The following EHMT1 variants were observed in gnomAD, a reference collection of about 807,000 sequenced individuals.
EHMT1 encodes histone-lysine N-methyltransferase EHMT1.
EHMT1 carries 15 observed loss-of-function variants against 147.2 expected under a neutral mutation model. That is an observed-to-expected ratio of 0.10 (90% CI 0.07 to 0.16). The LOEUF (loss-of-function observed/expected upper bound fraction) is 0.16. Among genes scored for constraint, EHMT1 ranks in the 10% least tolerant of loss-of-function variants. The probability of loss-of-function intolerance (pLI) is 1.00; values close to 1 mark genes in which losing one functional copy is unlikely to be tolerated. For missense variants in EHMT1, 1,587 were observed against 1,772.4 expected (o/e 0.90, Z 1.88); for synonymous variants, 795 against 709.6 (o/e 1.12, Z -1.91).
At chr9:137,809,955 C>CCCT (rs1954291447) in intron 18 of EHMT1, among the ~76,000 whole-genome samples, 1 of 123,640 alleles carries the variant, frequency 8.1e-6, no homozygotes, top group African/African-American at 5.1e-5. Flanking sequence ...CCGATGCCGC[C>CCCT]CTGTGTGGAC....
chr9:137,812,441 G>A lies in EHMT1; in HGVS notation c.2868-565G>A, dbSNP rs548872923. Among the ~76,000 whole-genome samples, 31 of 152,378 alleles carry A rather than the reference G, an allele frequency of 2.0e-4. 1 individual carries two copies. The East Asian group carries it at 5.2e-3, about 26-fold the overall frequency. ...CCTGGGATGGAGTGTGTGTTTGGCT[G>A]CTGGGGAAGGACAGGGAACTGTGGG... On this transcript the variant is annotated intron_variant, in intron 19 of 26. Transcript: ENST00000460843.
At chr9:137,648,553 G>A (rs1425028173) in intron 1 of EHMT1, among the ~76,000 whole-genome samples, 1 of 151,752 alleles carries the variant, frequency 6.6e-6, no homozygotes, top group African/African-American at 2.4e-5. Flanking sequence ...AGCTACTTGG[G>A]AGGCTGAGGC....
At chr9:137,633,373 G>C (rs140432680) in intron 1 of EHMT1, among the ~76,000 whole-genome samples, 1 of 151,446 alleles carries the variant, frequency 6.6e-6, no homozygotes, top group African/African-American at 2.4e-5. Flanking sequence ...ATTTTTGGGG[G>C]GATAACATTT....
chr9:137,738,037 T>TA (rs1343158095), intron 4 of EHMT1, among the ~76,000 whole-genome samples: 1 of 151,942 alleles, frequency 6.6e-6, no homozygotes, highest in Admixed American at 6.6e-5. Flanking sequence ...CTACTACAAA[T>TA]ACAAAAGTTA....
intron 18 of EHMT1, among the ~76,000 whole-genome samples, chr9:137,802,177 G>C (rs978914761): frequency 6.6e-6 from 1 of 152,244 alleles, no homozygotes; most frequent in Non-Finnish European, 1.5e-5. Flanking sequence ...CTGCCAGGGG[G>C]CTGGGTGTGG....
intron 23 of EHMT1, chr9:137,817,036 A>G: frequency 3.7e-6 from 1 of 267,626 alleles, no homozygotes; most frequent in Non-Finnish European, 7.4e-6. Flanking sequence ...CCCAGCCCTG[A>G]GGGGCCTGTG....
chr9:137,724,062 C>T (rs1341883393), intron 3 of EHMT1, among the ~76,000 whole-genome samples: 1 of 152,232 alleles, frequency 6.6e-6, no homozygotes, highest in East Asian at 1.9e-4. Context: ...GTAAATTGTG[C>T]CCACTCCAGG....
chr9:137,784,242 C>T (rs890825087), intron 15 of EHMT1: 160 of 1,534,578 alleles, frequency 1.0e-4, no homozygotes, highest in Middle Eastern at 3.4e-4. Flanking sequence ...TGGACCAGGC[C>T]GCCCACAGGG....
intron 1 of EHMT1, among the ~76,000 whole-genome samples, chr9:137,623,119 A>C (rs1347737411): frequency 2.0e-5 from 3 of 150,512 alleles, no homozygotes; most frequent in African/African-American, 7.3e-5. Flanking sequence ...AGGCTGAGGC[A>C]GGAGAAGGGC....
rs1003568952 is a variant in EHMT1 at position 137,731,291 on chromosome 9, G to T, written c.823+2762G>T. Among the ~76,000 whole-genome samples the T allele has an allele frequency of 2.0e-5, 3 of 152,216 alleles. No homozygotes were observed. Among genetic ancestry groups the T allele is most frequent in the Non-Finnish European group, 4.4e-5 (3 of 68,038 alleles). On this transcript the variant is annotated intron_variant, in intron 4 of 26. Coordinates refer to ENST00000460843, the MANE Select transcript of EHMT1 (RefSeq NM_024757.5). The surrounding 1 kb of genome is among the most constrained non-coding windows in gnomAD (Gnocchi z 4.3). ...CTGCCTGCTGTGGTCCAGTGGTTAA[G>T]ATACTCCCTCAGCCTCAGCTGCTCC...
intron 1 of EHMT1, among the ~76,000 whole-genome samples, chr9:137,644,441 CA>C (rs1844737961): frequency 6.6e-6 from 1 of 151,936 alleles, no homozygotes; most frequent in African/African-American, 2.4e-5. Flanking sequence ...TCTCCTTCCT[CA>C]GCCTCCCGAG....
chr9:137,673,117 A>G (rs1003780432), intron 1 of EHMT1, among the ~76,000 whole-genome samples: 2 of 152,180 alleles, frequency 1.3e-5, no homozygotes, highest in African/African-American at 2.4e-5. Context: ...AGTGCTTAGC[A>G]AAGAACCTTA....
At chr9:137,715,539 G>A in intron 2 of EHMT1, 1 of 985,392 alleles carries the variant, frequency 1.0e-6, no homozygotes, top group Non-Finnish European at 1.2e-6. Flanking sequence ...GAGCCAGGAA[G>A]GAGGGCACTG....
intron 1 of EHMT1, among the ~76,000 whole-genome samples, chr9:137,643,286 T>C (rs536834479): frequency 6.6e-6 from 1 of 152,134 alleles, no homozygotes; most frequent in East Asian, 1.9e-4. Context: ...TACTTTTGTT[T>C]ATCTTGGAAT....
rs1254569591 is a variant in EHMT1, at chr9:137,732,478, G to T, written c.823+3949G>T. On this transcript the variant is annotated intron_variant, in intron 4 of 26. Coordinates refer to ENST00000460843, the MANE Select transcript of EHMT1 (RefSeq NM_024757.5). This position sits in a 1 kb window ranked among gnomAD's most constrained non-coding sequence, Gnocchi z 4.6. ...GCTCTCAGCGGAGAGGAGACCCAAAGTCAGTAGCTCCTACTGGCAGGGAGG... is the reference window on the plus strand; with the variant it reads ...GCTCTCAGCGGAGAGGAGACCCAAATTCAGTAGCTCCTACTGGCAGGGAGG... 6.6e-6 allele frequency among the ~76,000 whole-genome samples: 1 copy of T among 152,214 alleles called. No individual in the cohort carries two copies. The highest frequency in any genetic ancestry group is 1.5e-5 in the Non-Finnish European group (1 of 68,034).
At chr9:137,701,847 G>A (rs1943865309) in intron 1 of EHMT1, among the ~76,000 whole-genome samples, 1 of 150,566 alleles carries the variant, frequency 6.6e-6, no homozygotes, top group African/African-American at 2.5e-5. Context: ...AGGCTGGAGT[G>A]CAATGGTGCG....
chr9:137,825,591 G>C (rs1327495191), intron 25 of EHMT1, among the ~76,000 whole-genome samples: 2 of 152,192 alleles, frequency 1.3e-5, no homozygotes, highest in African/African-American at 4.8e-5. Context: ...TCAGAAGCAG[G>C]AGCCCTTAGC....
intron 1 of EHMT1, among the ~76,000 whole-genome samples, chr9:137,659,941 G>A (rs965989455): frequency 3.3e-5 from 5 of 152,040 alleles, no homozygotes; most frequent in Admixed American, 6.6e-5. Flanking sequence ...TAGATAGGTA[G>A]TGCTTAGCCG....
chr9:137,813,212 G>A lies in EHMT1; in HGVS notation c.3035+39G>A, dbSNP rs779719828. On this transcript the variant is annotated intron_variant, in intron 20 of 26. Transcript: ENST00000460843. The surrounding 1 kb of genome is among the most constrained non-coding windows in gnomAD (Gnocchi z 4.9). ...CAGGACGGCTTTGTGGCAAATCAGCGGTCAGCAGGGCTTTGGGAACTTGCG... is the reference window on the plus strand; with the variant it reads ...CAGGACGGCTTTGTGGCAAATCAGCAGTCAGCAGGGCTTTGGGAACTTGCG... 35 of 1,600,056 alleles carry A rather than the reference G, an allele frequency of 2.2e-5. No individual in the cohort carries two copies. The highest frequency in any genetic ancestry group is 4.4e-5 in the South Asian group (4 of 90,760).
Sources: allele counts gnomAD v4.1 joint callset (sites outside exome capture counted in the v4.1 genomes callset), GRCh38; gene constraint gnomAD v4.1.1; non-coding constraint Gnocchi (gnomAD v3.1); transcripts MANE v1.5; gene names NCBI Gene and HGNC (gene_info 2026-07-23, HGNC 2026-07-21).